LMLN: variants seen among roughly 807,000 people sequenced by gnomAD.
LMLN encodes leishmanolysin-like peptidase.
In LMLN, 70 loss-of-function variants were observed where a neutral mutation model predicts 92.3. That is an observed-to-expected ratio of 0.76 (90% CI 0.63 to 0.92). The LOEUF (loss-of-function observed/expected upper bound fraction) is 0.92, where lower values mean the gene tolerates loss of function less well. LMLN is among the 40% of genes least tolerant of loss of function. The pLI, the probability that LMLN is intolerant of heterozygous loss-of-function variation, is 0.00. For synonymous variants in LMLN, 308 were observed against 296.2 expected, an observed-to-expected ratio of 1.04 and a Z score of -0.41; for missense variants, 691 against 814.6, an observed-to-expected ratio of 0.85 and a Z score of 1.85.
intron 11 of LMLN, among the ~76,000 whole-genome samples, chr3:198,001,612 C>T (rs924754089): frequency 3.3e-5 from 5 of 152,216 alleles, no homozygotes; most frequent in African/African-American, 7.2e-5. Flanking sequence ...TAACGTAACT[C>T]ACATTGTAGT....
chr3:198,008,127 A>G (rs1393937116), intron 11 of LMLN, among the ~76,000 whole-genome samples: 2 of 152,130 alleles, frequency 1.3e-5, no homozygotes, highest in Non-Finnish European at 2.9e-5. Flanking sequence ...GCTGAATTCT[A>G]TGTACTATTA....
At chr3:197,968,241 C>T (rs918532400) in intron 1 of LMLN, among the ~76,000 whole-genome samples, 6 of 151,640 alleles carry the variant, frequency 4.0e-5, no homozygotes, top group South Asian at 2.1e-4. Context: ...CCGAGGCGGG[C>T]GGATCACGAG....
intron 8 of LMLN, among the ~76,000 whole-genome samples, chr3:197,986,732 G>A (rs566801713): frequency 9.2e-5 from 14 of 152,236 alleles, no homozygotes; most frequent in African/African-American, 2.4e-4. Context: ...AACAGATAAC[G>A]TGATAACAAA....
intron 1 of LMLN, among the ~76,000 whole-genome samples, chr3:197,967,709 T>C (rs1168151277): frequency 1.3e-5 from 2 of 152,126 alleles, no homozygotes; most frequent in South Asian, 2.1e-4. Flanking sequence ...TGGGGTTTTT[T>C]CCCCACCCTA....
At chr3:198,008,374 A>T (rs1722349457) in intron 11 of LMLN, among the ~76,000 whole-genome samples, 1 of 152,220 alleles carries the variant, frequency 6.6e-6, no homozygotes, top group Non-Finnish European at 1.5e-5. Flanking sequence ...CATAATAATT[A>T]TTACTAAATG....
intron 11 of LMLN, among the ~76,000 whole-genome samples, chr3:198,016,506 C>T (rs1722646020): frequency 1.3e-5 from 2 of 152,176 alleles, no homozygotes; most frequent in South Asian, 4.1e-4. Flanking sequence ...TGCTGAGAGC[C>T]GGGCACTAGC....
At chr3:197,972,446 G>A (rs1435311962) in intron 1 of LMLN, among the ~76,000 whole-genome samples, 1 of 152,030 alleles carries the variant, frequency 6.6e-6, no homozygotes, top group African/African-American at 2.4e-5. Context: ...TCTTTTCATA[G>A]TGTCTCTTCT....
chr3:197,986,835 AT>A (rs1245046265), intron 8 of LMLN, among the ~76,000 whole-genome samples: 5 of 146,542 alleles, frequency 3.4e-5, no homozygotes, highest in Non-Finnish European at 6.0e-5. Flanking sequence ...ATGTTTGAAA[AT>A]TTTTTTTCTT....
intron 2 of LMLN, among the ~76,000 whole-genome samples, chr3:197,974,788 A>G (rs376885546): frequency 1.3e-5 from 2 of 152,266 alleles, no homozygotes; most frequent in South Asian, 4.1e-4. Context: ...AATAAGTACT[A>G]GTGTTACCAG....
intron 8 of LMLN, among the ~76,000 whole-genome samples, chr3:197,989,136 G>A (rs1721794936): frequency 6.6e-6 from 1 of 152,122 alleles, no homozygotes; most frequent in African/African-American, 2.4e-5. Context: ...CAGGTTACTG[G>A]TTTTCACCAT....
intron 11 of LMLN, among the ~76,000 whole-genome samples, chr3:198,015,165 C>T (rs1344509398): frequency 5.3e-5 from 7 of 133,046 alleles, no homozygotes; most frequent in Non-Finnish European, 8.2e-5. Flanking sequence ...GACTTCTCTC[C>T]ACCCTTCAGA....
rs114862371 is a variant in LMLN, at chr3:197,979,020, A to C, written c.550-1306A>C. ...TCAAAACAAAACTAAACTAAACTAA[A>C]TAAATAAATAAGAATACAGCATATT... On this transcript the variant is annotated intron_variant, in intron 5 of 15. Transcript: ENST00000330198. Among the ~76,000 whole-genome samples, 1,006 of 152,236 alleles carry C rather than the reference A, an allele frequency of 6.6e-3. 8 individuals are homozygous for C. The highest frequency in any genetic ancestry group is 0.023 in the African/African-American group (953 of 41,552).
At chr3:197,964,874 G>T (rs1486341400) in intron 1 of LMLN, among the ~76,000 whole-genome samples, 1 of 151,978 alleles carries the variant, frequency 6.6e-6, no homozygotes, top group Non-Finnish European at 1.5e-5. Context: ...AGGTATGGTG[G>T]CGGGCACTTT....
At position 198,005,295 on chromosome 3, in the gene LMLN, A is replaced by G. The variant is rs147639623; in HGVS notation, c.1232+5953A>G. 3.4e-3 allele frequency among the ~76,000 whole-genome samples: 504 copies of G among 150,210 alleles called. 9 individuals carry two copies. The highest frequency in any genetic ancestry group is 0.012 in the African/African-American group (490 of 40,242). ...TACGTAGTAAGTTTGACATCTATCT[A>G]TATATCATCTATACAGATACATATC... On this transcript the variant is annotated intron_variant, in intron 11 of 15. Transcript: ENST00000330198.
At chr3:198,016,194 C>CAA (rs202075630) in intron 11 of LMLN, among the ~76,000 whole-genome samples, 8 of 83,848 alleles carry the variant, frequency 9.5e-5, no homozygotes, top group Admixed American at 2.8e-4. Context: ...GTTGCAAAAA[C>CAA]AAAAAAAAAA....
At chr3:198,043,054 T>C (rs916903718) in exon 16 of LMLN, 6 of 152,066 alleles carry the variant, frequency 3.9e-5, no homozygotes, top group Non-Finnish European at 5.9e-5. Flanking sequence ...ATATTTGAAG[T>C]TGAAACATCA....
At chr3:198,023,882 C>T (rs1406298051) in intron 13 of LMLN, among the ~76,000 whole-genome samples, 1 of 152,156 alleles carries the variant, frequency 6.6e-6, no homozygotes, top group Non-Finnish European at 1.5e-5. Flanking sequence ...CTGCACCAGC[C>T]TAATATTTGT....
intron 9 of LMLN, among the ~76,000 whole-genome samples, chr3:197,995,578 G>T (rs914573380): frequency 6.6e-6 from 1 of 152,106 alleles, no homozygotes. Context: ...AGGCTGGGGT[G>T]GGGGGAGATG....
At chr3:198,023,252 C>A (rs1722831000) in intron 13 of LMLN, among the ~76,000 whole-genome samples, 1 of 152,014 alleles carries the variant, frequency 6.6e-6, no homozygotes, top group African/African-American at 2.4e-5. Context: ...TGCAGTGGCA[C>A]CATCATAGCT....
Sources: gnomAD v4.1 joint callset for allele counts (sites outside exome capture counted in the v4.1 genomes callset) on GRCh38, gnomAD v4.1.1 for gene constraint, MANE v1.5 for transcripts, NCBI Gene and HGNC (gene_info 2026-07-23, HGNC 2026-07-21) for gene names.